The following CA8 variants were observed in gnomAD, a reference collection of about 807,000 sequenced individuals.
CA8 encodes carbonic anhydrase 8 (inactive).
A neutral mutation model predicts 41.4 loss-of-function variants in CA8; 22 were observed. That is an observed-to-expected ratio of 0.53 (90% CI 0.38 to 0.76). CA8 has a LOEUF of 0.76. CA8 is among the 30% of genes least tolerant of loss of function. The pLI is 0.00. For missense variants in CA8, 270 were observed against 352.8 expected, an observed-to-expected ratio of 0.77 and a Z score of 1.88; for synonymous variants, 121 against 130.6, an observed-to-expected ratio of 0.93 and a Z score of 0.50.
intron 8 of CA8, among the ~76,000 whole-genome samples, chr8:60,206,344 T>TGTGTGTGTGCGC (rs893866928): frequency 1.3e-5 from 2 of 152,136 alleles, no homozygotes; most frequent in African/African-American, 2.4e-5. Context: ...TTTCTCTGTG[T>TGTGTGTGTGCGC]GTGTGTGTGC....
chr8:60,275,090 C>A (rs945734343), intron 2 of CA8, among the ~76,000 whole-genome samples: 5 of 152,094 alleles, frequency 3.3e-5, no homozygotes, highest in African/African-American at 1.2e-4. Flanking sequence ...CTTGAGCCAT[C>A]CCCAACCCCA....
At position 60,281,365 on chromosome 8, in the gene CA8, G is replaced by A. The variant is rs1804424671; in HGVS notation, c.-218C>T. 1.8e-6 allele frequency: 1 copy of A among 567,702 alleles called. No homozygotes were observed. The highest frequency in any genetic ancestry group is 3.1e-6 in the Non-Finnish European group (1 of 318,216). The allele number at this position is 567,702 out of a possible 1,614,324, so 35.2% of individuals were successfully genotyped here. A position where few individuals can be genotyped will look rare whatever the true frequency, so the allele number is the denominator to read the frequency against. ...AGAGACCCGCGTGGGAAGCGCGTCC[G>A]GAGGCCCCAGCAGAGCGAGGGAGCG... On this transcript the variant is annotated 5_prime_UTR_variant, in exon 1 of 9. Coordinates refer to ENST00000317995, the MANE Select transcript of CA8 (RefSeq NM_004056.6).
At chr8:60,207,921 AATTTTTAAATTGT>A (rs1806692208) in intron 8 of CA8, 1 of 152,162 alleles carries the variant, frequency 6.6e-6, no homozygotes, top group Non-Finnish European at 1.5e-5. Flanking sequence ...ACACCCAGCT[AATTTTTAAATTGT>A]TTATAGAGAT....
chr8:60,260,126 G>A (rs1180522959), intron 3 of CA8, among the ~76,000 whole-genome samples: 1 of 152,164 alleles, frequency 6.6e-6, no homozygotes, highest in Non-Finnish European at 1.5e-5. Flanking sequence ...ATAATTGTCT[G>A]TGGAAGGTGA....
rs773637912 is a variant in CA8 at position 60,226,455 on chromosome 8, G to C, written c.576+418C>G. ...TGTGACTTATGGCGAAGAGGGCAGG[G>C]AGACGGCTGCTGCTAGAGAGTGAGT... On this transcript the variant is annotated intron_variant, in intron 5 of 8. Transcript: ENST00000317995. Among the ~76,000 whole-genome samples the C allele has an allele frequency of 3.3e-5, 5 of 152,316 alleles. No individual in the cohort carries two copies. The Middle Eastern group carries it at 0.01, about 311-fold the overall frequency.
At chr8:60,216,365 T>C (rs768249261) in intron 7 of CA8, among the ~76,000 whole-genome samples, 1 of 152,242 alleles carries the variant, frequency 6.6e-6, no homozygotes, top group Non-Finnish European at 1.5e-5. Context: ...TGTGTGTGTC[T>C]ACATTTTAAC....
chr8:60,207,421 T>C (rs1806633030), intron 8 of CA8, among the ~76,000 whole-genome samples: 2 of 152,236 alleles, frequency 1.3e-5, no homozygotes, highest in African/African-American at 4.8e-5. Flanking sequence ...ATGACCTTCA[T>C]GACCAGAGTC....
At chr8:60,215,486 A>C (rs938401838) in intron 7 of CA8, among the ~76,000 whole-genome samples, 6 of 152,104 alleles carry the variant, frequency 3.9e-5, no homozygotes, top group Non-Finnish European at 4.4e-5. Context: ...TGATGGGTCC[A>C]CCAAAATCTC....
intron 7 of CA8, among the ~76,000 whole-genome samples, chr8:60,221,199 C>G (rs1019702225): frequency 6.6e-6 from 1 of 152,184 alleles, no homozygotes; most frequent in Non-Finnish European, 1.5e-5. Flanking sequence ...ACCAGACTAA[C>G]TTCTAATATT....
At chr8:60,268,742 T>C (rs557066788) in intron 2 of CA8, among the ~76,000 whole-genome samples, 82 of 152,304 alleles carry the variant, frequency 5.4e-4, no homozygotes, top group African/African-American at 1.6e-3. Flanking sequence ...TTCCCTGGCC[T>C]TGTAGATCTT....
At chr8:60,265,753 G>T in intron 3 of CA8, 172 bp downstream of exon 3, 1 of 688,352 alleles carries the variant, frequency 1.5e-6, no homozygotes, top group Non-Finnish European at 2.4e-6. Context: ...GTAGACAGGA[G>T]GTTTCATGTG....
At chr8:60,219,164 C>CTT (rs66853476) in intron 7 of CA8, among the ~76,000 whole-genome samples, 10,621 of 144,056 alleles carry the variant, frequency 0.074, 470 homozygotes, top group East Asian at 0.18. Context: ...GTTATTCTGC[C>CTT]TTTTTTTTTT....
chr8:60,232,655 A>G (rs1195900766), intron 3 of CA8: 3 of 468,896 alleles, frequency 6.4e-6, no homozygotes, highest in Non-Finnish European at 1.2e-5. Flanking sequence ...CAGACTTCAC[A>G]TTGATTCAGT....
intron 8 of CA8, among the ~76,000 whole-genome samples, chr8:60,192,805 G>C (rs758790734): frequency 2.6e-5 from 4 of 151,954 alleles, no homozygotes; most frequent in Non-Finnish European, 4.4e-5. Flanking sequence ...AACTCTTTTA[G>C]CTGATTATTT....
intron 4 of CA8, among the ~76,000 whole-genome samples, chr8:60,230,290 G>C (rs1161639539): frequency 1.3e-5 from 2 of 152,018 alleles, no homozygotes; most frequent in African/African-American, 4.8e-5. Context: ...ATGCCCTCTT[G>C]CCTCCTCCAG....
intron 3 of CA8, among the ~76,000 whole-genome samples, chr8:60,235,941 C>A (rs943424076): frequency 6.6e-6 from 1 of 152,144 alleles, no homozygotes; most frequent in Non-Finnish European, 1.5e-5. Flanking sequence ...TTGGAAGTAG[C>A]AGACACTGAA....
chr8:60,191,662 T>G (rs1447536772), intron 8 of CA8, among the ~76,000 whole-genome samples: 3 of 152,148 alleles, frequency 2.0e-5, no homozygotes. Flanking sequence ...GGAGGACCAG[T>G]GCGCTGCAGA....
intron 2 of CA8, among the ~76,000 whole-genome samples, chr8:60,274,117 C>A (rs1242944388): frequency 6.6e-6 from 1 of 151,580 alleles, no homozygotes; most frequent in African/African-American, 2.4e-5. Flanking sequence ...GGTGTGAAGT[C>A]AGCTTTAATT....
At chr8:60,203,165 CAGAG>C (rs974876248) in intron 8 of CA8, among the ~76,000 whole-genome samples, 2 of 151,982 alleles carry the variant, frequency 1.3e-5, no homozygotes, top group Non-Finnish European at 2.9e-5. Flanking sequence ...AAACAGAAAA[CAGAG>C]AGGAGAACAT....
Sources: gnomAD v4.1 joint callset for allele counts (sites outside exome capture counted in the v4.1 genomes callset) on GRCh38, gnomAD v4.1.1 for gene constraint, MANE v1.5 for transcripts, NCBI Gene and HGNC (gene_info 2026-07-23, HGNC 2026-07-21) for gene names.